Variants in HEPACAM2 observed in about 807,000 individuals in gnomAD.
HEPACAM2 encodes the protein HEPACAM family member 2.
HEPACAM2 carries 49 observed loss-of-function variants against 49.6 expected under a neutral mutation model. The ratio of observed to expected loss-of-function variants is 0.99; its 90% CI spans 0.78 to 1.25. The LOEUF (loss-of-function observed/expected upper bound fraction) is 1.25. Ranked by LOEUF, HEPACAM2 falls within the 50% of genes most tolerant of loss-of-function variation. HEPACAM2 has a pLI of 0.00. For missense variants in HEPACAM2, 525 were observed against 557.2 expected, an observed-to-expected ratio of 0.94 and a Z score of 0.58; for synonymous variants, 197 against 202.9, an observed-to-expected ratio of 0.97 and a Z score of 0.25.
rs527821233 is a variant in HEPACAM2, at chr7:93,189,391, T to C, written c.1386-121A>G. The C allele has an allele frequency of 1.3e-4, 71 of 563,244 alleles. No individual in the cohort carries two copies. In the African/African-American group the frequency reaches 1.3e-3, roughly 10 times the overall value. The allele number at this position is 563,244 out of a possible 1,614,324, so 34.9% of individuals were successfully genotyped here. ...TACAGATTAGAAGAATGTTTGGAGC[T>C]AGCTCAAGAAAATTACATTTATCAA... On this transcript the variant is annotated intron_variant, in intron 9 of 9. Coordinates refer to ENST00000394468, the MANE Select transcript of HEPACAM2 (RefSeq NM_001039372.4).
chr7:93,199,399 G>A (rs763834522), intron 4 of HEPACAM2, among the ~76,000 whole-genome samples: 3 of 152,064 alleles, frequency 2.0e-5, no homozygotes, highest in Non-Finnish European at 4.4e-5. Flanking sequence ...CCCACTGTTA[G>A]AAGGCTGACC....
intron 4 of HEPACAM2, among the ~76,000 whole-genome samples, chr7:93,206,269 A>T (rs1053018107): frequency 6.6e-6 from 1 of 151,984 alleles, no homozygotes; most frequent in Non-Finnish European, 1.5e-5. Context: ...CTGGGGTGAA[A>T]ATCTGGTTAA....
rs764230096 is a variant in HEPACAM2 at position 93,195,823 on chromosome 7, C to T, written c.1275+5G>A. The T allele has an allele frequency of 1.2e-6, 2 of 1,611,064 alleles. No individual in the cohort carries two copies. Among genetic ancestry groups the T allele is most frequent in the South Asian group, 1.1e-5 (1 of 90,968 alleles). On this transcript the variant is annotated splice_donor_5th_base_variant and intron_variant, in intron 8 of 9. Coordinates refer to ENST00000394468, the MANE Select transcript of HEPACAM2 (RefSeq NM_001039372.4). ...CTCGGTTAATCAGCCACTAGGAAAACCAACCCTGGAAACACCAGAAACATC... is the reference window on the plus strand; with the variant it reads ...CTCGGTTAATCAGCCACTAGGAAAATCAACCCTGGAAACACCAGAAACATC...
intron 9 of HEPACAM2, 21 bp from the exon 10 acceptor site, chr7:93,189,291 A>C: frequency 6.4e-7 from 1 of 1,572,246 alleles, no homozygotes; most frequent in Non-Finnish European, 8.7e-7. Context: ...GATATACAAA[A>C]TATGTAAACA....
In HEPACAM2 at chr7:93,219,492, C is replaced by T. The variant is rs193921119; in HGVS notation, c.80-41G>A. On this transcript the variant is annotated intron_variant, in intron 1 of 9. Coordinates refer to ENST00000394468, the MANE Select transcript of HEPACAM2 (RefSeq NM_001039372.4). ...GGAAAGTTGTGAAGACCTTGAGCCA[C>T]ATTTCACAATCTAAAGGGGCAAATG... is the stretch of plus-strand genomic sequence containing the variant. 3 of 1,611,216 alleles carry T rather than the reference C, an allele frequency of 1.9e-6. No individual in the cohort carries two copies. In the African/African-American group the frequency reaches 4.0e-5, roughly 22 times the overall value.
chr7:93,230,233 T>C (rs984799895), upstream of HEPACAM2, among the ~76,000 whole-genome samples: 2 of 152,188 alleles, frequency 1.3e-5, no homozygotes, highest in Non-Finnish European at 2.9e-5. Context: ...TATTTGAGTA[T>C]GTGAGGGAGA....
rs1562828398 is a variant in HEPACAM2 at position 93,208,766 on chromosome 7, GA to G, written c.825del (p.Asn278ThrfsTer22). On this transcript the variant is annotated frameshift_variant, in exon 4 of 10. Coordinates refer to ENST00000394468, the MANE Select transcript of HEPACAM2 (RefSeq NM_001039372.4). LOFTEE classifies it high-confidence loss of function. ...AILFDCSADS[H>X]PPNTYSWIRR... Reference sequence around the variant, plus strand: ...CTAATCCAGGAGTAGGTGTTGGGGGGATGAGAATCAGCAGAACAATCAAATA... The same window carrying G: ...CTAATCCAGGAGTAGGTGTTGGGGGGTGAGAATCAGCAGAACAATCAAATA... The G allele has an allele frequency of 6.2e-7, 1 of 1,613,116 alleles. No homozygotes were observed. The highest frequency in any genetic ancestry group is 1.7e-5 in the Admixed American group (1 of 59,888).
chr7:93,226,022 C>A, intron 1 of HEPACAM2: 1 of 657,776 alleles, frequency 1.5e-6, no homozygotes, highest in South Asian at 2.3e-5. Context: ...AATTTCATGG[C>A]CTATTAGAAT....
chr7:93,216,129 A>T (rs1344924796), intron 2 of HEPACAM2, among the ~76,000 whole-genome samples: 4 of 152,176 alleles, frequency 2.6e-5, no homozygotes, highest in Non-Finnish European at 4.4e-5. Context: ...AATTTCTATC[A>T]TCTGCAAAAT....
intron 7 of HEPACAM2, 52 bp downstream of exon 7, chr7:93,197,189 C>A: frequency 7.7e-7 from 1 of 1,304,508 alleles, no homozygotes; most frequent in Non-Finnish European, 1.1e-6. Context: ...ATTAACACAA[C>A]TAATTAACAT....
At chr7:93,206,300 T>C (rs2116674457) in intron 4 of HEPACAM2, among the ~76,000 whole-genome samples, 1 of 152,156 alleles carries the variant, frequency 6.6e-6, no homozygotes, top group Non-Finnish European at 1.5e-5. Flanking sequence ...ATTAATAAAA[T>C]GGAAAGCAAA....
the HEPACAM2 span, among the ~76,000 whole-genome samples, chr7:93,231,770 T>C: frequency 2.0e-5 from 3 of 152,146 alleles, no homozygotes; most frequent in Non-Finnish European, 4.4e-5. Context: ...GGTAAAATAA[T>C]AGGCGGGCGT....
upstream of HEPACAM2, among the ~76,000 whole-genome samples, chr7:93,226,913 T>C (rs986802672): frequency 2.0e-5 from 3 of 152,210 alleles, no homozygotes; most frequent in Non-Finnish European, 4.4e-5. Context: ...TTATAAATCT[T>C]CATGAAGTCA....
intron 1 of HEPACAM2, among the ~76,000 whole-genome samples, chr7:93,221,270 A>G (rs573446333): frequency 6.6e-6 from 1 of 152,304 alleles, no homozygotes; most frequent in East Asian, 1.9e-4. Flanking sequence ...TACAATTTTA[A>G]ATTTCTCAAG....
At chr7:93,206,344 C>T (rs1023047240) in intron 4 of HEPACAM2, among the ~76,000 whole-genome samples, 3 of 152,098 alleles carry the variant, frequency 2.0e-5, no homozygotes, top group Non-Finnish European at 4.4e-5. Flanking sequence ...GTTTGCCACT[C>T]ATGTTAGATT....
intron 7 of HEPACAM2, 117 bp downstream of exon 7, chr7:93,197,124 T>C: frequency 1.5e-6 from 1 of 657,914 alleles, no homozygotes; most frequent in Non-Finnish European, 2.2e-6. Flanking sequence ...GGTAAGAGAC[T>C]GTTATATTAA....
intron 4 of HEPACAM2, among the ~76,000 whole-genome samples, chr7:93,203,600 G>T (rs1562825446): frequency 6.6e-6 from 1 of 152,196 alleles, no homozygotes; most frequent in East Asian, 1.9e-4. Context: ...GGACTCATGT[G>T]CCAAAGCCAT....
At chr7:93,194,405 C>T (rs1035109719) in intron 8 of HEPACAM2, among the ~76,000 whole-genome samples, 2 of 152,130 alleles carry the variant, frequency 1.3e-5, no homozygotes, top group African/African-American at 4.8e-5. Flanking sequence ...GTGCTTTCTA[C>T]CATCGTGAGA....
chr7:93,208,870 G>A lies in HEPACAM2; in HGVS notation c.722C>T (p.Pro241Leu). The change falls in exon 4 of 10, where the codon CCT becomes CTT. Residue 241 changes from proline (P) to leucine (L), a missense_variant. Physicochemically the swap from Pro to Leu is moderately conservative, Grantham distance 98. Coordinates refer to ENST00000394468, the MANE Select transcript of HEPACAM2 (RefSeq NM_001039372.4). The part of the protein sequence containing the change: ...DIIMPIIYYG[P>L]YGLQVNSDKG... ...ATCAGAATTCACTTGAAGTCCATAA[G>A]GTCCATCTGCATCAATATAAAAAAA... 1 of 1,583,450 alleles carries A rather than the reference G, an allele frequency of 6.3e-7. No homozygotes were observed. The highest frequency in any genetic ancestry group is 2.3e-5 in the East Asian group (1 of 44,356).
Sources: allele counts gnomAD v4.1 joint callset (sites outside exome capture counted in the v4.1 genomes callset), GRCh38; gene constraint gnomAD v4.1.1; transcripts MANE v1.5; gene names NCBI Gene and HGNC (gene_info 2026-07-23, HGNC 2026-07-21).